MS4A14: variants seen among roughly 807,000 people sequenced by gnomAD.
The protein encoded by MS4A14 is membrane spanning 4-domains A14.
Under a neutral mutation model 16.7 loss-of-function variants are expected in MS4A14, and 18 were observed. That is an observed-to-expected ratio of 1.08 (90% CI 0.75 to 1.60). The LOEUF is 1.60. Ranked by LOEUF, MS4A14 falls within the 40% of genes most tolerant of loss-of-function variation. MS4A14 has a pLI of 0.00. For missense variants in MS4A14, 812 were observed against 775.3 expected (o/e 1.05, Z -0.56); for synonymous variants, 305 against 289.4 (o/e 1.05, Z -0.55).
chr11:60,400,110 G>A (rs2085689196), intron 2 of MS4A14, among the ~76,000 whole-genome samples: 1 of 152,132 alleles, frequency 6.6e-6, no homozygotes, highest in South Asian at 2.1e-4. Context: ...CAGAGCTCAG[G>A]AATCTCTTTT....
intron 3 of MS4A14, among the ~76,000 whole-genome samples, chr11:60,401,742 G>T (rs1221662235): frequency 6.6e-6 from 1 of 152,192 alleles, no homozygotes; most frequent in Non-Finnish European, 1.5e-5. Context: ...TGATTATCTA[G>T]AGATCTTAGT....
rs765321570 is a variant in MS4A14, at chr11:60,416,311, A to C, written c.1343A>C (p.Gln448Pro). The part of the protein sequence containing the change: ...PDLQPENTEP[Q>P]NQQILQMSYQ... ...CTTCAACCAGAAAACACTGAACCTCAAAACCAGCAAATTTTACAAATGTCA... is the reference window on the plus strand; with the variant it reads ...CTTCAACCAGAAAACACTGAACCTCCAAACCAGCAAATTTTACAAATGTCA... The change falls in exon 5 of 5, where the codon CAA becomes CCA. Residue 448 changes from glutamine (Q) to proline (P), a missense_variant. Gln to Pro is a moderately conservative substitution (Grantham distance 76). Coordinates refer to ENST00000300187, the MANE Select transcript of MS4A14 (RefSeq NM_032597.5). 1.2e-6 allele frequency: 2 copies of C among 1,614,002 alleles called. No individual in the cohort carries two copies. Among genetic ancestry groups the C allele is most frequent in the South Asian group, 2.2e-5 (2 of 91,076 alleles).
chr11:60,396,784 T>G, intron 1 of MS4A14, 68 bp downstream of exon 1: 1 of 1,401,894 alleles, frequency 7.1e-7, no homozygotes, highest in African/African-American at 1.4e-5. Context: ...CATGTATGTC[T>G]GCAGAGATAT....
Position 60,412,872 on chromosome 11 carries a change from T to C in MS4A14, c.469-2565T>C, listed in dbSNP as rs138596971. ...ATAAGTTTTAGAATTCGTTTATTGA[T>C]TGCTACAAAAATCTTGCTGGGATTT... On this transcript the variant is annotated intron_variant, in intron 4 of 4. Coordinates refer to ENST00000300187, the MANE Select transcript of MS4A14 (RefSeq NM_032597.5). Among the ~76,000 whole-genome samples the C allele has an allele frequency of 1.7e-4, 26 of 152,098 alleles. No homozygotes were observed. In the East Asian group the frequency reaches 4.6e-3, roughly 27 times the overall value.
At chr11:60,400,502 T>C (rs1295805912) in intron 3 of MS4A14, 48 bp downstream of exon 3, 8 of 1,332,208 alleles carry the variant, frequency 6.0e-6, no homozygotes, top group Non-Finnish European at 8.5e-6. Context: ...ATTTGTTTTA[T>C]ATCATCTTTA....
chr11:60,406,649 A>T (rs1197422857), intron 4 of MS4A14, among the ~76,000 whole-genome samples: 1 of 152,180 alleles, frequency 6.6e-6, no homozygotes. Flanking sequence ...TGATTTATGG[A>T]GATTTCATTT....
intron 2 of MS4A14, 86 bp from the exon 3 acceptor site, chr11:60,400,318 A>G: frequency 1.2e-6 from 1 of 841,404 alleles, no homozygotes; most frequent in South Asian, 1.7e-5. Flanking sequence ...ATTCACAAAC[A>G]GATATTTTGC....
At chr11:60,409,270 T>C (rs1242348568) in intron 4 of MS4A14, among the ~76,000 whole-genome samples, 1 of 152,106 alleles carries the variant, frequency 6.6e-6, no homozygotes, top group Non-Finnish European at 1.5e-5. Context: ...AACTTACTCT[T>C]CCTGTCTAGA....
chr11:60,402,867 T>C, intron 3 of MS4A14, 45 bp from the exon 4 acceptor site: 1 of 1,582,852 alleles, frequency 6.3e-7, no homozygotes. Flanking sequence ...ATTTTTGCTT[T>C]GGTTTCGATC....
chr11:60,411,585 A>G (rs913283341), intron 4 of MS4A14, among the ~76,000 whole-genome samples: 3 of 152,192 alleles, frequency 2.0e-5, no homozygotes, highest in Non-Finnish European at 4.4e-5. Flanking sequence ...GTTATACAGA[A>G]ACAACAATGA....
rs539197621 is a variant in MS4A14, at chr11:60,406,056, A to T, written c.468+2995A>T. On this transcript the variant is annotated intron_variant, in intron 4 of 4. Coordinates refer to ENST00000300187, the MANE Select transcript of MS4A14 (RefSeq NM_032597.5). The stretch of plus-strand genomic sequence containing the variant: ...TGTTCCTGTTGGGATACTGCACACA[A>T]TGATGTCTGATTTATTAGTAGGAAA... 15 of 923,132 alleles carry T rather than the reference A, an allele frequency of 1.6e-5. No homozygotes were observed. The South Asian group carries it at 3.0e-4, about 18-fold the overall frequency. The allele number at this position is 923,132 out of a possible 1,614,324, so 57.2% of individuals were successfully genotyped here.
chr11:60,401,695 G>A (rs1400229683), intron 3 of MS4A14, among the ~76,000 whole-genome samples: 1 of 152,128 alleles, frequency 6.6e-6, no homozygotes, highest in East Asian at 1.9e-4. Flanking sequence ...GACTAGGCTG[G>A]GCATGTTCTT....
At chr11:60,411,443 C>T (rs1259660420) in intron 4 of MS4A14, among the ~76,000 whole-genome samples, 1 of 152,124 alleles carries the variant, frequency 6.6e-6, no homozygotes, top group East Asian at 1.9e-4. Context: ...TTACATTCAG[C>T]AATGATTTAT....
chr11:60,417,041 C>T lies in MS4A14; in HGVS notation c.*33C>T, dbSNP rs774028777. 1.3e-5 allele frequency: 21 copies of T among 1,573,954 alleles called. No homozygotes were observed. Among genetic ancestry groups the T allele is most frequent in the Admixed American group, 3.8e-5 (2 of 52,724 alleles). On this transcript the variant is annotated 3_prime_UTR_variant, in exon 5 of 5. Transcript: ENST00000300187. ...CTGGAGAAACAAAGATTATAAAGCA[C>T]GAGAATGGCAATTTGAAATGAAGCA...
intron 4 of MS4A14, among the ~76,000 whole-genome samples, chr11:60,411,391 T>C (rs1292998967): frequency 6.6e-6 from 1 of 152,222 alleles, no homozygotes; most frequent in Non-Finnish European, 1.5e-5. Context: ...AATCTTCTTA[T>C]ACGTGAACAC....
intron 4 of MS4A14, 110 bp from the exon 5 acceptor site, chr11:60,415,327 G>A: frequency 8.4e-7 from 1 of 1,187,344 alleles, no homozygotes; most frequent in Non-Finnish European, 1.2e-6. Context: ...TCATTTAGAT[G>A]TTATTTCCTA....
intron 4 of MS4A14, 188 bp downstream of exon 4, chr11:60,403,249 G>A: frequency 1.7e-6 from 1 of 598,316 alleles, no homozygotes; most frequent in South Asian, 1.9e-5. Flanking sequence ...CTTGAATCCT[G>A]TTCACACAAG....
chr11:60,412,164 C>T (rs906027502), intron 4 of MS4A14, among the ~76,000 whole-genome samples: 8 of 152,060 alleles, frequency 5.3e-5, no homozygotes, highest in Admixed American at 4.6e-4. Context: ...TTTGTATCTA[C>T]ACTTATAAAG....
rs1019191712 is a variant in MS4A14 at position 60,417,304 on chromosome 11, C to T, written c.*296C>T. The stretch of plus-strand genomic sequence containing the variant: ...CCTCAGGGGACCTGCAATCAGAAGA[C>T]GTGAAGGCAGATTTTCATTCTTCTT... On this transcript the variant is annotated 3_prime_UTR_variant, in exon 5 of 5. Transcript: ENST00000300187. 4 of 233,010 alleles carry T rather than the reference C, an allele frequency of 1.7e-5. No individual in the cohort carries two copies. The highest frequency in any genetic ancestry group is 9.4e-5 in the East Asian group (1 of 10,692). 14.4% of individuals were successfully genotyped at this position (233,010 alleles called of 1,614,324 possible).
Sources: gnomAD v4.1 joint callset for allele counts (sites outside exome capture counted in the v4.1 genomes callset) on GRCh38, gnomAD v4.1.1 for gene constraint, MANE v1.5 for transcripts, NCBI Gene and HGNC (gene_info 2026-07-23, HGNC 2026-07-21) for gene names.